PSMA2: variants seen among roughly 807,000 people sequenced by gnomAD.
PSMA2 encodes proteasome subunit alpha type-2.
In PSMA2, 2 loss-of-function variants were observed where a neutral mutation model predicts 35.9. The observed-to-expected ratio is 0.06, with a 90% CI of 0.02 to 0.18. PSMA2 has a LOEUF of 0.18. PSMA2 is among the 10% of genes least tolerant of loss of function. The probability of loss-of-function intolerance (pLI) is 1.00; values close to 1 mark genes in which losing one functional copy is unlikely to be tolerated. For missense variants in PSMA2, 126 were observed against 278.8 expected, an observed-to-expected ratio of 0.45 and a Z score of 3.90; for synonymous variants, 97 against 98.2, an observed-to-expected ratio of 0.99 and a Z score of 0.07.
intron 6 of PSMA2, 73 bp downstream of exon 6, chr7:42,921,785 T>G: frequency 8.1e-7 from 1 of 1,228,510 alleles, no homozygotes; most frequent in East Asian, 2.3e-5. Flanking sequence ...CCCATGATAT[T>G]AATTTACTTA....
At chr7:42,923,451 A>G (rs926586955) in intron 4 of PSMA2, 45 bp from the exon 5 acceptor site, 1 of 1,460,236 alleles carries the variant, frequency 6.8e-7, no homozygotes, top group Non-Finnish European at 9.6e-7. Flanking sequence ...TCATGGTGTT[A>G]AAGTCATCCT....
intron 6 of PSMA2, chr7:42,920,232 A>G (rs666768): frequency 0.99 from 251,059 of 253,530 alleles, 124,365 homozygotes; most frequent in East Asian, 1. Flanking sequence ...TCCATTGCTG[A>G]AACAACTAAC....
intron 3 of PSMA2, among the ~76,000 whole-genome samples, chr7:42,925,166 T>G (rs1786189012): frequency 6.6e-6 from 1 of 152,164 alleles, no homozygotes; most frequent in Non-Finnish European, 1.5e-5. Context: ...TCTGGGCATA[T>G]TTTTCTCACT....
chr7:42,928,819 C>T (rs1484872211), intron 1 of PSMA2, among the ~76,000 whole-genome samples: 1 of 152,158 alleles, frequency 6.6e-6, no homozygotes, highest in African/African-American at 2.4e-5. Flanking sequence ...CTAATCCCTC[C>T]ATCTGAAATG....
In PSMA2 at chr7:42,917,766, T is replaced by C. The variant is rs776195774; in HGVS notation, c.588+12A>G. ...AATCATTATAAATCCAGTTGTTGAA[T>C]ACTGAGCTAACCTTTAGGGTTAAGA... On this transcript the variant is annotated intron_variant, in intron 7 of 7. Coordinates refer to ENST00000223321, the MANE Select transcript of PSMA2 (RefSeq NM_002787.5). 1 of 1,611,554 alleles carries C rather than the reference T, an allele frequency of 6.2e-7. No individual in the cohort carries two copies. Among genetic ancestry groups the C allele is most frequent in the East Asian group, 2.2e-5 (1 of 44,768 alleles).
intron 6 of PSMA2, chr7:42,921,642 A>C (rs1195824161): frequency 2.7e-6 from 1 of 375,108 alleles, no homozygotes; most frequent in Non-Finnish European, 4.7e-6. Context: ...AGAATGTAGA[A>C]AGAGAACTCC....
At chr7:42,919,047 C>A in intron 6 of PSMA2, 1 of 277,020 alleles carries the variant, frequency 3.6e-6, no homozygotes, top group South Asian at 4.2e-5. Context: ...TGGTCTCGAA[C>A]TTCTGACCTC....
chr7:42,919,364 T>A, intron 6 of PSMA2: 1 of 574,614 alleles, frequency 1.7e-6, no homozygotes, highest in Non-Finnish European at 3.5e-6. Context: ...AGACTATGGA[T>A]TTCATGCAGG....
intron 6 of PSMA2, chr7:42,920,154 T>G: frequency 2.6e-6 from 1 of 381,570 alleles, no homozygotes; most frequent in Non-Finnish European, 4.9e-6. Flanking sequence ...GAGAAAAGCA[T>G]CAGCCTTCCA....
chr7:42,925,232 T>C (rs1203213878), intron 3 of PSMA2, among the ~76,000 whole-genome samples: 4 of 152,160 alleles, frequency 2.6e-5, no homozygotes, highest in African/African-American at 9.7e-5. Context: ...CTTCACGGAG[T>C]ACCCTTCAGA....
intron 7 of PSMA2, 25 bp downstream of exon 7, chr7:42,917,753 T>A (rs1179369475): frequency 6.2e-7 from 1 of 1,611,200 alleles, no homozygotes; most frequent in Admixed American, 1.7e-5. Context: ...TCATTATAAA[T>A]CCAGTTGTTG....
At chr7:42,919,969 G>C (rs531036065) in intron 6 of PSMA2, 1 of 744,024 alleles carries the variant, frequency 1.3e-6, no homozygotes, top group African/African-American at 1.7e-5. Context: ...GCTTCCTGAA[G>C]AAGATACTGG....
chr7:42,921,056 A>T (rs1454401209), intron 6 of PSMA2: 1 of 152,244 alleles, frequency 6.6e-6, no homozygotes, highest in Non-Finnish European at 1.5e-5. Context: ...AAATACGGTC[A>T]GACAGGAGGA....
At chr7:42,925,693 A>C (rs1437207463) in intron 3 of PSMA2, among the ~76,000 whole-genome samples, 2 of 152,246 alleles carry the variant, frequency 1.3e-5, no homozygotes, top group East Asian at 3.8e-4. Flanking sequence ...GCCAGCTCAT[A>C]TACTACTGAT....
chr7:42,920,426 C>T (rs1317339154), intron 6 of PSMA2: 1 of 152,546 alleles, frequency 6.6e-6, no homozygotes, highest in East Asian at 1.9e-4. Flanking sequence ...AATATATTGG[C>T]TTATTTGTCT....
chr7:42,920,190 A>C, intron 6 of PSMA2: 2 of 315,504 alleles, frequency 6.3e-6, no homozygotes, highest in Non-Finnish European at 1.2e-5. Flanking sequence ...TAAGGCAAAA[A>C]CAGCAATAAA....
chr7:42,927,251 A>G (rs1166019599), intron 2 of PSMA2, 132 bp downstream of exon 2: 1 of 778,186 alleles, frequency 1.3e-6, no homozygotes, highest in African/African-American at 1.8e-5. Context: ...TAAACTCCAA[A>G]ACACTGTAAA....
intron 4 of PSMA2, among the ~76,000 whole-genome samples, chr7:42,923,792 T>G (rs1777716365): frequency 6.6e-6 from 1 of 152,244 alleles, no homozygotes. Context: ...TATTACAAAA[T>G]GACAACTTTC....
chr7:42,920,951 T>C (rs1786119635), intron 6 of PSMA2: 1 of 151,946 alleles, frequency 6.6e-6, no homozygotes. Context: ...GCTAAAAAAG[T>C]GGATCTCATG....
Sources: allele counts gnomAD v4.1 joint callset (sites outside exome capture counted in the v4.1 genomes callset), GRCh38; gene constraint gnomAD v4.1.1; transcripts MANE v1.5; gene names NCBI Gene and HGNC (gene_info 2026-07-23, HGNC 2026-07-21).